The following MYO1E variants were observed in gnomAD, a reference collection of about 807,000 sequenced individuals.
MYO1E encodes the protein myosin IE.
MYO1E carries 68 observed loss-of-function variants against 151.1 expected under a neutral mutation model. That is an observed-to-expected ratio of 0.45 (90% CI 0.37 to 0.55). MYO1E has a LOEUF of 0.55. Ranked by LOEUF, MYO1E falls within the 20% of genes least tolerant of loss-of-function variation. The probability of loss-of-function intolerance (pLI) is 0.00; values close to 1 mark genes in which losing one functional copy is unlikely to be tolerated. For synonymous variants in MYO1E, 601 were observed against 501.7 expected, an observed-to-expected ratio of 1.20 and a Z score of -2.64; for missense variants, 1,363 against 1,389.3, an observed-to-expected ratio of 0.98 and a Z score of 0.30.
chr15:59,311,363 A>G (rs2080550815), intron 1 of MYO1E, among the ~76,000 whole-genome samples: 1 of 152,044 alleles, frequency 6.6e-6, no homozygotes, highest in South Asian at 2.1e-4. Flanking sequence ...TCGGGCTCCT[A>G]TGAGAATCTA....
chr15:59,200,712 T>C (rs1434984121), intron 16 of MYO1E, among the ~76,000 whole-genome samples: 1 of 152,242 alleles, frequency 6.6e-6, no homozygotes, highest in African/African-American at 2.4e-5. Flanking sequence ...AGCATACATA[T>C]ACATCTTGTG....
At chr15:59,281,076 A>C (rs1374737252) in intron 1 of MYO1E, among the ~76,000 whole-genome samples, 1 of 152,160 alleles carries the variant, frequency 6.6e-6, no homozygotes, top group Non-Finnish European at 1.5e-5. Flanking sequence ...ACAGCTCGCA[A>C]AGCAAGGTCT....
Position 59,144,589 on chromosome 15 carries a change from C to T in MYO1E, c.3081-6222G>A, listed in dbSNP as rs181011963. On this transcript the variant is annotated intron_variant, in intron 26 of 27. Coordinates refer to ENST00000288235, the MANE Select transcript of MYO1E (RefSeq NM_004998.4). Reference sequence around the variant, plus strand: ...GGATTACAGGTGTAAGCCACCGCACCGGGTTCCAGGTCTTTTTTCTGATTC... The same window carrying T: ...GGATTACAGGTGTAAGCCACCGCACTGGGTTCCAGGTCTTTTTTCTGATTC... Among the ~76,000 whole-genome samples, 941 of 152,198 alleles carry T rather than the reference C, an allele frequency of 6.2e-3. 3 individuals carry two copies. The highest frequency in any genetic ancestry group is 0.011 in the Non-Finnish European group (723 of 68,006).
rs759678840 is a variant in MYO1E, at chr15:59,188,067, T to C, written c.1904+51A>G. The C allele has an allele frequency of 3.7e-6, 5 of 1,345,518 alleles. No homozygotes were observed. In the African/African-American group the frequency reaches 7.2e-5, roughly 19 times the overall value. The allele number at this position is 1,345,518 out of a possible 1,614,324, so 83.3% of individuals were successfully genotyped here. A position where few individuals can be genotyped will look rare whatever the true frequency, so the allele number is the denominator to read the frequency against. On this transcript the variant is annotated intron_variant, in intron 18 of 27. Transcript: ENST00000288235. ...GTGGGTGAATTGTATAGATTTGAAT[T>C]ATAGCTCAATAAACCTGTTTTAAAA...
At chr15:59,299,635 A>T (rs2080470731) in intron 1 of MYO1E, among the ~76,000 whole-genome samples, 4 of 152,260 alleles carry the variant, frequency 2.6e-5, no homozygotes, top group Non-Finnish European at 5.9e-5. Context: ...AGCTATGAAG[A>T]AAAAGAATAT....
At chr15:59,214,563 T>C (rs2079901835) in intron 11 of MYO1E, 77 bp downstream of exon 11, 3 of 1,322,600 alleles carry the variant, frequency 2.3e-6, no homozygotes, top group Non-Finnish European at 3.3e-6. Flanking sequence ...TGTTTTTGCA[T>C]TGCCTAGAAT....
chr15:59,150,833 T>A (rs1174004055), intron 26 of MYO1E, among the ~76,000 whole-genome samples: 2 of 152,136 alleles, frequency 1.3e-5, no homozygotes, highest in Non-Finnish European at 2.9e-5. Context: ...ACCCCAGACC[T>A]ACAGAATCAG....
intron 19 of MYO1E, 75 bp downstream of exon 19, chr15:59,178,318 C>A: frequency 6.4e-7 from 1 of 1,554,644 alleles, no homozygotes. Flanking sequence ...GAAAAAGAAG[C>A]CAGCTGAGGG....
chr15:59,256,120 T>C (rs1270244744), intron 4 of MYO1E, among the ~76,000 whole-genome samples, 164 bp downstream of exon 4: 1 of 152,220 alleles, frequency 6.6e-6, no homozygotes, highest in Non-Finnish European at 1.5e-5. Flanking sequence ...TATATAGAGT[T>C]ATAAATAAAG....
rs192185304 is a variant in MYO1E, at chr15:59,252,608, G to A, written c.332+3676C>T. On this transcript the variant is annotated intron_variant, in intron 4 of 27. Coordinates refer to ENST00000288235, the MANE Select transcript of MYO1E (RefSeq NM_004998.4). ...CGTGTGCCTGTAATCCCAGCTACTC[G>A]GGAGGCTGAGGCAGGAGAACTGCTT... is the stretch of plus-strand genomic sequence containing the variant. Among the ~76,000 whole-genome samples, 828 of 152,140 alleles carry A rather than the reference G, an allele frequency of 5.4e-3. 6 individuals are homozygous for A. The highest frequency in any genetic ancestry group is 0.019 in the African/African-American group (778 of 41,530).
rs2079638085 is a variant in MYO1E, at chr15:59,178,380, G to A, written c.2049+13C>T. On this transcript the variant is annotated intron_variant, in intron 19 of 27. Coordinates refer to ENST00000288235, the MANE Select transcript of MYO1E (RefSeq NM_004998.4). ...CGGGAGGGAAGAGAGTGGAGAGCCA[G>A]CCAAGCACTCACAGACTCGGGGGCT... 1.2e-6 allele frequency: 2 copies of A among 1,614,094 alleles called. No homozygotes were observed. The highest frequency in any genetic ancestry group is 1.7e-6 in the Non-Finnish European group (2 of 1,179,960).
chr15:59,297,510 T>C (rs1212840336), intron 1 of MYO1E, among the ~76,000 whole-genome samples: 1 of 146,216 alleles, frequency 6.8e-6, no homozygotes, highest in Non-Finnish European at 1.5e-5. Context: ...CTCAAACTCC[T>C]GACCTCAGGT....
At chr15:59,174,685 G>A (rs2079614467) in intron 19 of MYO1E, among the ~76,000 whole-genome samples, 2 of 152,132 alleles carry the variant, frequency 1.3e-5, no homozygotes, top group African/African-American at 4.8e-5. Context: ...GTTTCTGCAG[G>A]AGCTGGGCTT....
intron 4 of MYO1E, among the ~76,000 whole-genome samples, chr15:59,251,663 C>T (rs910262038): frequency 1.3e-5 from 2 of 152,184 alleles, no homozygotes; most frequent in African/African-American, 2.4e-5. Flanking sequence ...TATTTACCTC[C>T]AAATACTTCA....
At chr15:59,342,324 T>G (rs578086763) in intron 1 of MYO1E, among the ~76,000 whole-genome samples, 3 of 152,316 alleles carry the variant, frequency 2.0e-5, no homozygotes, top group African/African-American at 4.8e-5. Context: ...ATTCTGTGGG[T>G]TGTCTCTTCA....
chr15:59,208,132 T>C, intron 14 of MYO1E: 1 of 1,489,488 alleles, frequency 6.7e-7, no homozygotes, highest in Non-Finnish European at 9.0e-7. Flanking sequence ...AGATCATAGA[T>C]ACAGGATTAT....
chr15:59,308,900 A>G (rs2080532683), intron 1 of MYO1E, among the ~76,000 whole-genome samples: 1 of 151,762 alleles, frequency 6.6e-6, no homozygotes, highest in South Asian at 2.1e-4. Context: ...TTTATATTTT[A>G]GCCCCAGAGA....
At chr15:59,291,872 T>C (rs2080421770) in intron 1 of MYO1E, among the ~76,000 whole-genome samples, 1 of 151,898 alleles carries the variant, frequency 6.6e-6, no homozygotes, top group African/African-American at 2.4e-5. Flanking sequence ...CAAAGAAAAG[T>C]TGTTTGATCA....
intron 25 of MYO1E, among the ~76,000 whole-genome samples, chr15:59,154,181 C>G (rs1398774242): frequency 6.6e-6 from 1 of 152,170 alleles, no homozygotes. Context: ...TGGGAGACAC[C>G]TTCTTGGGCC....
Sources: allele counts gnomAD v4.1 joint callset (sites outside exome capture counted in the v4.1 genomes callset), GRCh38; gene constraint gnomAD v4.1.1; transcripts MANE v1.5; gene names NCBI Gene and HGNC (gene_info 2026-07-23, HGNC 2026-07-21).